The following PDE4B variants were observed in gnomAD, a reference collection of about 807,000 sequenced individuals.
The protein encoded by PDE4B is 3',5'-cyclic-AMP phosphodiesterase 4B.
A neutral mutation model predicts 82.2 loss-of-function variants in PDE4B; 20 were observed. The observed-to-expected ratio is 0.24, with a 90% CI of 0.17 to 0.35. The LOEUF (loss-of-function observed/expected upper bound fraction) is 0.35, where lower values mean the gene tolerates loss of function less well. Among genes scored for constraint, PDE4B ranks in the 10% least tolerant of loss-of-function variants. The pLI, the probability that PDE4B is intolerant of heterozygous loss-of-function variation, is 1.00. For missense variants in PDE4B, 655 were observed against 907.2 expected, an observed-to-expected ratio of 0.72 and a Z score of 3.57; for synonymous variants, 320 against 318.9, an observed-to-expected ratio of 1.00 and a Z score of -0.04.
intron 4 of PDE4B, among the ~76,000 whole-genome samples, chr1:66,252,600 T>C (rs536868237): frequency 8.5e-5 from 13 of 152,326 alleles, no homozygotes; most frequent in Non-Finnish European, 1.5e-4. Flanking sequence ...GTTGTATGGG[T>C]ACTCAAAGTA....
chr1:65,804,047 G>A (rs1645725878), intron 1 of PDE4B, among the ~76,000 whole-genome samples: 1 of 152,156 alleles, frequency 6.6e-6, no homozygotes, highest in Non-Finnish European at 1.5e-5. Flanking sequence ...ATTGTTTCAT[G>A]TAAAGAAACA....
chr1:66,369,611 T>C (rs1036234417), intron 16 of PDE4B, among the ~76,000 whole-genome samples: 1 of 152,192 alleles, frequency 6.6e-6, no homozygotes, highest in Admixed American at 6.5e-5. Flanking sequence ...AGTATCAGTA[T>C]CCATACAAAG....
At chr1:66,118,085 G>A (rs2101069741) in intron 3 of PDE4B, among the ~76,000 whole-genome samples, 1 of 152,178 alleles carries the variant, frequency 6.6e-6, no homozygotes. Flanking sequence ...TTTTTCATGT[G>A]TCTTTTGGCT....
At chr1:65,923,291 T>A (rs1647317918) in intron 3 of PDE4B, among the ~76,000 whole-genome samples, 1 of 152,220 alleles carries the variant, frequency 6.6e-6, no homozygotes, top group African/African-American at 2.4e-5. Context: ...GGTTATGCAA[T>A]GCTGCATAAC....
chr1:66,174,615 G>A (rs1245406356), intron 3 of PDE4B, among the ~76,000 whole-genome samples: 2 of 152,012 alleles, frequency 1.3e-5, no homozygotes, highest in African/African-American at 4.8e-5. Context: ...AATTAGCCAG[G>A]CGTGGTGGCA....
At chr1:65,800,986 A>G (rs1007939344) in intron 1 of PDE4B, among the ~76,000 whole-genome samples, 2 of 152,220 alleles carry the variant, frequency 1.3e-5, no homozygotes, top group African/African-American at 2.4e-5. Flanking sequence ...CCTCTGCTAT[A>G]CAAGTTGGAA....
chr1:66,124,291 G>A (rs1007108921), intron 3 of PDE4B, among the ~76,000 whole-genome samples: 1 of 152,154 alleles, frequency 6.6e-6, no homozygotes, highest in Non-Finnish European at 1.5e-5. Context: ...GTTCTGAAGA[G>A]CTAGCAGATT....
At chr1:66,221,918 T>C (rs1441649705) in intron 3 of PDE4B, among the ~76,000 whole-genome samples, 14 of 151,906 alleles carry the variant, frequency 9.2e-5, no homozygotes, top group Admixed American at 8.5e-4. Context: ...TCTCCATGTC[T>C]GTATTAATTA....
chr1:66,355,356 A>G, intron 8 of PDE4B, 171 bp from the exon 9 acceptor site: 1 of 438,338 alleles, frequency 2.3e-6, no homozygotes, highest in Non-Finnish European at 4.1e-6. Flanking sequence ...TCCAAAAGTG[A>G]CGTTGGAATA....
chr1:66,010,755 G>A (rs1198573749), intron 3 of PDE4B, among the ~76,000 whole-genome samples: 1 of 144,988 alleles, frequency 6.9e-6, no homozygotes, highest in Non-Finnish European at 1.5e-5. Context: ...TCATCCCCAC[G>A]AAGATTAATC....
intron 3 of PDE4B, among the ~76,000 whole-genome samples, chr1:66,206,779 C>T (rs1025812140): frequency 8.5e-5 from 13 of 152,134 alleles, no homozygotes; most frequent in African/African-American, 2.9e-4. Context: ...GACCTGACAT[C>T]ATTATGTGTG....
intron 3 of PDE4B, among the ~76,000 whole-genome samples, chr1:65,973,895 G>A (rs908341564): frequency 4.0e-5 from 6 of 151,656 alleles, no homozygotes; most frequent in African/African-American, 9.7e-5. Flanking sequence ...TCACTGTAAC[G>A]TCCACCTCCT....
At position 66,038,925 on chromosome 1, in the gene PDE4B, A is replaced by G. The variant is rs541853846; in HGVS notation, c.281+120090A>G. 2.5e-4 allele frequency among the ~76,000 whole-genome samples: 38 copies of G among 152,172 alleles called. 1 individual carries two copies. In the South Asian group the frequency reaches 7.7e-3, roughly 31 times the overall value. ...TGTTTTCACTCCTATTTTTTTTAAA[A>G]CAAAATGCAGTTGTGTGTATCTCAG... On this transcript the variant is annotated intron_variant, in intron 3 of 16. Coordinates refer to ENST00000341517, the MANE Select transcript of PDE4B (RefSeq NM_002600.4).
At chr1:66,030,754 T>C (rs1231963815) in intron 3 of PDE4B, among the ~76,000 whole-genome samples, 2 of 152,184 alleles carry the variant, frequency 1.3e-5, no homozygotes. Context: ...GTGGTACATA[T>C]ACAACATGGA....
At chr1:66,223,595 C>T (rs1427496494) in intron 3 of PDE4B, among the ~76,000 whole-genome samples, 1 of 152,174 alleles carries the variant, frequency 6.6e-6, no homozygotes, top group Non-Finnish European at 1.5e-5. Flanking sequence ...TCCCTAGACT[C>T]CTAGCTGATT....
chr1:65,911,274 T>G (rs1471268376), intron 1 of PDE4B, among the ~76,000 whole-genome samples: 1 of 152,186 alleles, frequency 6.6e-6, no homozygotes, highest in East Asian at 1.9e-4. Flanking sequence ...GCATTCCTTT[T>G]TATATTTTTG....
At chr1:66,234,081 AT>A (rs1652205437) in intron 3 of PDE4B, among the ~76,000 whole-genome samples, 1 of 152,142 alleles carries the variant, frequency 6.6e-6, no homozygotes, top group African/African-American at 2.4e-5. Context: ...AGTCAGTATA[AT>A]TTTTTAAATA....
chr1:66,356,761 T>C (rs1470374986), intron 9 of PDE4B, among the ~76,000 whole-genome samples: 1 of 152,222 alleles, frequency 6.6e-6, no homozygotes, highest in East Asian at 1.9e-4. Context: ...ACTGCATTAC[T>C]CTGCAGTGGA....
chr1:66,372,806 G>C lies in PDE4B; in HGVS notation c.*128G>C. 1.1e-6 allele frequency: 1 copy of C among 911,526 alleles called. No homozygotes were observed. The allele number at this position is 911,526 out of a possible 1,614,324, so 56.5% of individuals were successfully genotyped here. On this transcript the variant is annotated 3_prime_UTR_variant, in exon 17 of 17. Transcript: ENST00000341517. ...GCCACCTGGCCTTTCAGTTACTTGA[G>C]TTTGGAGTCAGAAAGCAAGACCAGG...
Sources: allele counts gnomAD v4.1 joint callset (sites outside exome capture counted in the v4.1 genomes callset), GRCh38; gene constraint gnomAD v4.1.1; transcripts MANE v1.5; gene names NCBI Gene and HGNC (gene_info 2026-07-23, HGNC 2026-07-21).